Variants in OTUD7A observed in about 807,000 individuals in gnomAD.
OTUD7A encodes the protein OTU deubiquitinase 7A, also known as OTU domain-containing protein 7A.
In OTUD7A, 12 loss-of-function variants were observed where a neutral mutation model predicts 65.7. The ratio of observed to expected loss-of-function variants is 0.18; its 90% CI spans 0.12 to 0.30. The LOEUF is 0.30. Among genes scored for constraint, OTUD7A ranks in the 10% least tolerant of loss-of-function variants. OTUD7A has a pLI of 1.00. For synonymous variants in OTUD7A, 641 were observed against 586.3 expected, an observed-to-expected ratio of 1.09 and a Z score of -1.35; for missense variants, 1,148 against 1,304.8, an observed-to-expected ratio of 0.88 and a Z score of 1.85.
chr15:31,791,219 G>A lies in OTUD7A; in HGVS notation c.-100+79288C>T, dbSNP rs1044214308. On this transcript the variant is annotated intron_variant, in intron 1 of 12. Coordinates refer to ENST00000307050, the MANE Select transcript of OTUD7A (RefSeq NM_001382637.1). ...TTTTTGTATTTTTAGTAGAGACGGG[G>A]TTTCACCATGTTGGCCAGGATGGTC... Among the ~76,000 whole-genome samples the A allele has an allele frequency of 2.6e-5, 4 of 152,080 alleles. No homozygotes were observed. The East Asian group carries it at 5.8e-4, about 22-fold the overall frequency.
intron 1 of OTUD7A, among the ~76,000 whole-genome samples, chr15:31,747,429 G>T (rs1894510254): frequency 6.6e-6 from 1 of 152,190 alleles, no homozygotes; most frequent in Non-Finnish European, 1.5e-5. Context: ...CCTTGCACCA[G>T]AAAGGAAGGA....
chr15:31,731,110 T>C (rs552411849), intron 1 of OTUD7A, among the ~76,000 whole-genome samples: 1 of 152,352 alleles, frequency 6.6e-6, no homozygotes, highest in East Asian at 1.9e-4. Context: ...TAATCTGTTT[T>C]GTTATAACTG....
chr15:31,705,404 A>C, intron 1 of OTUD7A, among the ~76,000 whole-genome samples: 1 of 136,476 alleles, frequency 7.3e-6, no homozygotes. Flanking sequence ...GCTGTTTTTT[A>C]TTTGCTTCTT....
intron 1 of OTUD7A, among the ~76,000 whole-genome samples, chr15:31,757,906 C>A (rs1012094257): frequency 3.9e-5 from 6 of 152,122 alleles, no homozygotes; most frequent in African/African-American, 1.4e-4. Flanking sequence ...CACTGATGAT[C>A]GTTAGAACAG....
At chr15:31,578,956 G>A (rs988403632) in intron 3 of OTUD7A, among the ~76,000 whole-genome samples, 1 of 152,172 alleles carries the variant, frequency 6.6e-6, no homozygotes, top group Non-Finnish European at 1.5e-5. Flanking sequence ...TAGGATCTCC[G>A]AGACCTGTGT....
At chr15:31,579,216 A>T (rs1889297115) in intron 3 of OTUD7A, among the ~76,000 whole-genome samples, 1 of 152,232 alleles carries the variant, frequency 6.6e-6, no homozygotes, top group Admixed American at 6.5e-5. Flanking sequence ...GGGATTGGGC[A>T]GAAAAAGCAG....
At chr15:31,733,023 C>T (rs1362852148) in intron 1 of OTUD7A, among the ~76,000 whole-genome samples, 4 of 152,196 alleles carry the variant, frequency 2.6e-5, no homozygotes, top group Admixed American at 2.6e-4. Context: ...AAAACTCAGC[C>T]AGTCTCCTGA....
intron 3 of OTUD7A, among the ~76,000 whole-genome samples, chr15:31,606,451 TAGTC>T (rs919788014): frequency 1.7e-4 from 26 of 152,208 alleles, no homozygotes; most frequent in Admixed American, 1.5e-3. Context: ...TAAAATAAAT[TAGTC>T]AGAAATGGAT....
At position 31,772,068 on chromosome 15, in the gene OTUD7A, C is replaced by T. The variant is rs990936887; in HGVS notation, c.-100+98439G>A. 7.3e-5 allele frequency among the ~76,000 whole-genome samples: 11 copies of T among 151,650 alleles called. No homozygotes were observed. In the East Asian group the frequency reaches 1.2e-3, roughly 16 times the overall value. On this transcript the variant is annotated intron_variant, in intron 1 of 12. Transcript: ENST00000307050. ...GAGATCGAGACCATCCCGGCTAAAA[C>T]GGTGAAACCCCGTCTCTACTAAAAA... is the stretch of plus-strand genomic sequence containing the variant.
intron 5 of OTUD7A, among the ~76,000 whole-genome samples, chr15:31,553,138 T>C (rs1460468792): frequency 1.3e-5 from 2 of 152,100 alleles, no homozygotes; most frequent in African/African-American, 4.8e-5. Context: ...CTTACTGGCA[T>C]ATTTGGCACC....
At chr15:31,739,329 A>C (rs1487164996) in intron 1 of OTUD7A, among the ~76,000 whole-genome samples, 1 of 152,180 alleles carries the variant, frequency 6.6e-6, no homozygotes, top group Non-Finnish European at 1.5e-5. Flanking sequence ...GATTCAGTAT[A>C]TCAAAAACAA....
In OTUD7A at chr15:31,838,660, C is replaced by G. The variant is rs542095886; in HGVS notation, c.-100+31847G>C. Among the ~76,000 whole-genome samples, 9 of 151,476 alleles carry G rather than the reference C, an allele frequency of 5.9e-5. No homozygotes were observed. The South Asian group carries it at 1.1e-3, about 18-fold the overall frequency. ...CTATTCCTAACTGATCTCAAAGACC[C>G]CCCCCCACTACTCCTAAGTGATCTT... is the stretch of plus-strand genomic sequence containing the variant. On this transcript the variant is annotated intron_variant, in intron 1 of 12. Coordinates refer to ENST00000307050, the MANE Select transcript of OTUD7A (RefSeq NM_001382637.1).
At chr15:31,686,319 C>T (rs982201088) in intron 1 of OTUD7A, among the ~76,000 whole-genome samples, 1 of 152,254 alleles carries the variant, frequency 6.6e-6, no homozygotes, top group African/African-American at 2.4e-5. Flanking sequence ...GCACACAGGC[C>T]ATGAGCGTGG....
chr15:31,816,890 T>C (rs1896563611), intron 1 of OTUD7A, among the ~76,000 whole-genome samples: 1 of 152,146 alleles, frequency 6.6e-6, no homozygotes, highest in African/African-American at 2.4e-5. Context: ...CAAGGGCACT[T>C]GAGAGGGGAT....
chr15:31,711,030 G>A (rs1893431088), intron 1 of OTUD7A, among the ~76,000 whole-genome samples: 1 of 150,938 alleles, frequency 6.6e-6, no homozygotes, highest in Admixed American at 6.6e-5. Context: ...GTGTATTTCG[G>A]TTCATGTTCA....
chr15:31,807,311 C>CA (rs1896297043), intron 1 of OTUD7A, among the ~76,000 whole-genome samples: 1 of 152,144 alleles, frequency 6.6e-6, no homozygotes, highest in Admixed American at 6.5e-5. Context: ...TCCCAAGAGA[C>CA]AGAGTCTCAC....
Position 31,753,697 on chromosome 15 carries a change from ATATATTATATATATATATATATAT to A in OTUD7A, c.-99-96644_-99-96621del, listed in dbSNP as rs1419069795. ...TATATAACCTGTGAGATATATATAT[ATATATTATATATATATATATATAT>A]TATATATATATATATATATCTCACA... On this transcript the variant is annotated intron_variant, in intron 1 of 12. Coordinates refer to ENST00000307050, the MANE Select transcript of OTUD7A (RefSeq NM_001382637.1). Among the ~76,000 whole-genome samples, 15 of 13,708 alleles carry A rather than the reference ATATATTATATATATATATATATAT, an allele frequency of 1.1e-3. No individual in the cohort carries two copies. The East Asian group carries it at 0.013, about 12-fold the overall frequency. The allele number at this position is 13,708 out of a possible 152,430, so 9.0% of individuals were successfully genotyped here.
At chr15:31,570,884 C>T (rs1217515446) in intron 3 of OTUD7A, among the ~76,000 whole-genome samples, 2 of 152,136 alleles carry the variant, frequency 1.3e-5, no homozygotes, top group Non-Finnish European at 2.9e-5. Flanking sequence ...CTCTGATTCC[C>T]GACTCTGAGA....
At chr15:31,812,095 G>C (rs560270136) in intron 1 of OTUD7A, among the ~76,000 whole-genome samples, 18 of 152,318 alleles carry the variant, frequency 1.2e-4, no homozygotes, top group African/African-American at 3.8e-4. Context: ...GGTTGAGGGA[G>C]CATTAACAAA....
Sources: allele counts gnomAD v4.1 joint callset (sites outside exome capture counted in the v4.1 genomes callset), GRCh38; gene constraint gnomAD v4.1.1; transcripts MANE v1.5; gene names NCBI Gene and HGNC (gene_info 2026-07-23, HGNC 2026-07-21).